NDUFA10: variants seen among roughly 807,000 people sequenced by gnomAD.
NDUFA10 encodes NADH dehydrogenase [ubiquinone] 1 alpha subcomplex subunit 10, mitochondrial.
In NDUFA10, 40 loss-of-function variants were observed where a neutral mutation model predicts 47.8. The observed-to-expected ratio is 0.84, with a 90% CI of 0.65 to 1.09. NDUFA10 has a LOEUF of 1.09. Ranked by LOEUF, NDUFA10 falls within the 50% of genes least tolerant of loss-of-function variation. NDUFA10 has a pLI of 0.00. For missense variants in NDUFA10, 413 were observed against 451.1 expected, an observed-to-expected ratio of 0.92 and a Z score of 0.76; for synonymous variants, 183 against 172.2, an observed-to-expected ratio of 1.06 and a Z score of -0.49.
chr2:239,981,020 A>G lies in NDUFA10; in HGVS notation c.999+9054T>C, dbSNP rs1200959863. On this transcript the variant is annotated intron_variant, in intron 9 of 9. Transcript: ENST00000252711. The stretch of plus-strand genomic sequence containing the variant: ...TACCTCCAGGGCCTGGAATACCACA[A>G]GCAACAAAGGTGCCATCAATCCCTC... 2.0e-5 allele frequency among the ~76,000 whole-genome samples: 3 copies of G among 152,238 alleles called. No homozygotes were observed. The East Asian group carries it at 5.8e-4, about 29-fold the overall frequency.
intron 4 of NDUFA10, among the ~76,000 whole-genome samples, chr2:239,898,837 A>G (rs1693451417): frequency 6.6e-6 from 1 of 152,120 alleles, no homozygotes; most frequent in South Asian, 2.1e-4. Flanking sequence ...CACAGCAAGC[A>G]TTTTTCTGAG....
intron 9 of NDUFA10, among the ~76,000 whole-genome samples, chr2:239,979,596 A>G (rs1419222835): frequency 1.8e-5 from 1 of 56,734 alleles, no homozygotes; most frequent in Non-Finnish European, 5.8e-5. Context: ...TCTCGGGAAA[A>G]GAGACAGTGC....
intron 2 of NDUFA10, among the ~76,000 whole-genome samples, chr2:240,021,651 G>C (rs1487827215): frequency 6.6e-6 from 1 of 152,218 alleles, no homozygotes; most frequent in Non-Finnish European, 1.5e-5. Flanking sequence ...GGTTCCTCCT[G>C]AAAGGACTGC....
At chr2:239,941,951 A>C (rs1280184694) in intron 4 of NDUFA10, among the ~76,000 whole-genome samples, 1 of 152,228 alleles carries the variant, frequency 6.6e-6, no homozygotes, top group Non-Finnish European at 1.5e-5. Context: ...TGAAAGTAAA[A>C]CTAGTGAATT....
chr2:240,011,625 A>G lies in NDUFA10; in HGVS notation c.741T>C (p.Pro247=), dbSNP rs1195848299. 1 of 1,611,336 alleles carries G rather than the reference A, an allele frequency of 6.2e-7. No individual in the cohort carries two copies. The highest frequency in any genetic ancestry group is 1.1e-5 in the South Asian group (1 of 91,010). ...TCGTGTGTTTGGCTCACCTCATCTC[A>G]GGGAGAAAGGTTTTCTTATAGGCAT... ...IENAYKKTFL[P]EMSEKCEVLQ... The change falls in exon 6 of 10, where the codon CCT becomes CCC. Residue 247 remains proline (P), a synonymous_variant. Coordinates refer to ENST00000252711, the MANE Select transcript of NDUFA10 (RefSeq NM_004544.4).
chr2:239,983,559 T>G (rs1240963619), intron 9 of NDUFA10: 1 of 1,601,350 alleles, frequency 6.2e-7, no homozygotes, highest in South Asian at 1.1e-5. Flanking sequence ...TGGGGCTTTC[T>G]GGAAAGAGGA....
chr2:240,017,785 A>G (rs1166821947), intron 4 of NDUFA10: 1 of 1,532,570 alleles, frequency 6.5e-7, no homozygotes, highest in East Asian at 2.4e-5. Flanking sequence ...AAGCAGCCAG[A>G]AGCAGGCGCC....
chr2:239,998,182 G>C (rs1453478095), intron 8 of NDUFA10, among the ~76,000 whole-genome samples: 1 of 152,132 alleles, frequency 6.6e-6, no homozygotes, highest in East Asian at 1.9e-4. Flanking sequence ...TTCCAAGAGG[G>C]TGTGCCTTTG....
chr2:239,893,218 G>C (rs1693326581), intron 5 of NDUFA10, among the ~76,000 whole-genome samples: 1 of 152,160 alleles, frequency 6.6e-6, no homozygotes, highest in Non-Finnish European at 1.5e-5. Context: ...TGCAGCACAG[G>C]GTACACGGCA....
At chr2:240,015,090 C>G (rs183464020) in intron 4 of NDUFA10, among the ~76,000 whole-genome samples, 43 of 152,350 alleles carry the variant, frequency 2.8e-4, no homozygotes, top group African/African-American at 9.4e-4. Flanking sequence ...GCCCACAACC[C>G]TGAAAACAGG....
rs1417370590 is a variant in NDUFA10, at chr2:239,899,073, G to C, written c.295-3759C>G. Among the ~76,000 whole-genome samples, 40 of 50,614 alleles carry C rather than the reference G, an allele frequency of 7.9e-4. 8 individuals carry two copies. The highest frequency in any genetic ancestry group is 7.4e-3 in the Middle Eastern group (1 of 136). The allele number at this position is 50,614 out of a possible 152,430, so 33.2% of individuals were successfully genotyped here. ...ATGGAGGAGTGTGATGGAGGGGTGT[G>C]ATGGAGGAGTGTGGAGGGGTGTGGT... On this transcript the variant is annotated intron_variant, in intron 4 of 5. Coordinates refer to the NDUFA10 transcript ENST00000419408.
At chr2:239,965,561 C>T (rs551760594) in intron 9 of NDUFA10, among the ~76,000 whole-genome samples, 67 of 152,308 alleles carry the variant, frequency 4.4e-4, no homozygotes, top group Non-Finnish European at 8.5e-4. Context: ...TCCCGAGCCA[C>T]GCTTTCCCGG....
At position 240,016,680 on chromosome 2, in the gene NDUFA10, G is replaced by A. The variant is rs534607686; in HGVS notation, c.548-1820C>T. On this transcript the variant is annotated intron_variant, in intron 4 of 9. Coordinates refer to ENST00000252711, the MANE Select transcript of NDUFA10 (RefSeq NM_004544.4). The surrounding 1 kb of genome is among the most constrained non-coding windows in gnomAD (Gnocchi z 4.4). ...TGGGGGTCTCATCACCCCAGAAATG[G>A]TCCCCAAAGGATCTGGTCTCAGCCC... 6.1e-4 allele frequency among the ~76,000 whole-genome samples: 93 copies of A among 152,018 alleles called. No individual in the cohort carries two copies. Among genetic ancestry groups the A allele is most frequent in the Admixed American group, 3.2e-3 (49 of 15,284 alleles).
intron 8 of NDUFA10, among the ~76,000 whole-genome samples, chr2:240,002,330 C>CAAAAAAAAAAAA (rs61475593): frequency 2.4e-5 from 2 of 83,756 alleles, no homozygotes; most frequent in East Asian, 6.0e-4. Context: ...AACTCTGACT[C>CAAAAAAAAAAAA]AAAAAAAAAA....
At position 240,019,722 on chromosome 2, in the gene NDUFA10, G is replaced by A. The variant is rs1485587008; in HGVS notation, c.461-1083C>T. On this transcript the variant is annotated intron_variant, in intron 3 of 9. Transcript: ENST00000252711. ...TAGTCCCAGCTACTTGGGAGGCTGAGGCAGGAGAATGGCATGAACCCGGGA... is the reference window on the plus strand; with the variant it reads ...TAGTCCCAGCTACTTGGGAGGCTGAAGCAGGAGAATGGCATGAACCCGGGA... 2.5e-5 allele frequency among the ~76,000 whole-genome samples: 2 copies of A among 79,774 alleles called. 1 individual carries two copies. Among genetic ancestry groups the A allele is most frequent in the Non-Finnish European group, 5.1e-5 (2 of 38,998 alleles). 52.3% of individuals were successfully genotyped at this position (79,774 alleles called of 152,430 possible). A position where few individuals can be genotyped will look rare whatever the true frequency, so the allele number is the denominator to read the frequency against.
At chr2:239,946,004 G>A (rs1405546109) in intron 4 of NDUFA10, among the ~76,000 whole-genome samples, 1 of 152,192 alleles carries the variant, frequency 6.6e-6, no homozygotes, top group Admixed American at 6.5e-5. Flanking sequence ...GACAGGAGAG[G>A]AGGGCCCCAG....
intron 4 of NDUFA10, among the ~76,000 whole-genome samples, chr2:239,927,616 A>G (rs1227530199): frequency 6.6e-6 from 1 of 152,230 alleles, no homozygotes; most frequent in Non-Finnish European, 1.5e-5. Flanking sequence ...CTGAATTTTA[A>G]AAGTTAATCT....
intron 4 of NDUFA10, among the ~76,000 whole-genome samples, chr2:239,946,223 G>A (rs1694450414): frequency 6.6e-6 from 1 of 152,134 alleles, no homozygotes; most frequent in African/African-American, 2.4e-5. Context: ...GGTGGCACCT[G>A]GCCACTCAAG....
rs1697603323 is a variant in NDUFA10 at position 240,021,199 on chromosome 2, G to A, written c.458C>T (p.Thr153Ile). The change falls in exon 3 of 10, where the codon ACA (threonine) becomes ATA (isoleucine). Residue 153 changes from threonine (T) to isoleucine (I), a missense_variant and splice_region_variant. Transcript: ENST00000252711. ...YSDALEHLLT[T>I]GQGVVLERSI... ...CTAACTGCCCAGAAATACTGCACCT[G>A]TGGTCAGCAAGTGCTCCAAGGCATC... is the stretch of plus-strand genomic sequence containing the variant. 1 of 1,613,238 alleles carries A rather than the reference G, an allele frequency of 6.2e-7. No homozygotes were observed. The highest frequency in any genetic ancestry group is 1.7e-5 in the Admixed American group (1 of 60,004).
Sources: gnomAD v4.1 joint callset for allele counts (sites outside exome capture counted in the v4.1 genomes callset) on GRCh38, gnomAD v4.1.1 for gene constraint, Gnocchi (gnomAD v3.1) non-coding constraint, MANE v1.5 for transcripts, NCBI Gene and HGNC (gene_info 2026-07-23, HGNC 2026-07-21) for gene names.